The following CEP85L variants were observed in gnomAD, a reference collection of about 807,000 sequenced individuals.
CEP85L encodes centrosomal protein 85L.
In CEP85L, 60 loss-of-function variants were observed where a neutral mutation model predicts 100.3. The ratio of observed to expected loss-of-function variants is 0.60; its 90% confidence interval spans 0.49 to 0.74. The LOEUF is 0.74. CEP85L is among the 30% of genes least tolerant of loss of function. The pLI, the probability that CEP85L is intolerant of heterozygous loss-of-function variation, is 0.00. For synonymous variants in CEP85L, 319 were observed against 322.7 expected (o/e 0.99, Z 0.12); for missense variants, 973 against 936.2 (o/e 1.04, Z -0.51).
chr6:118,559,212 G>A, intron 3 of CEP85L: 1 of 785,164 alleles, frequency 1.3e-6, no homozygotes, highest in Non-Finnish European at 2.3e-6. Context: ...AAAAGGTCAA[G>A]ATTAAGACTA....
Position 118,480,426 on chromosome 6 carries a change from A to G in CEP85L, c.1833T>C (p.Asn611=). 6.2e-7 allele frequency: 1 copy of G among 1,610,742 alleles called. No individual in the cohort carries two copies. Among genetic ancestry groups the G allele is most frequent in the East Asian group, 2.2e-5 (1 of 44,726 alleles). The part of the protein sequence containing the change: ...DAKQLQNEND[N]LRQQNETASK... ...TAGCAGTCTCATTTTGTTGTCTGAG[A>G]TTATCATTTTCATTCTGAAGCTGTT... The change falls in exon 9 of 13, where the codon AAT becomes AAC. Residue 611 remains asparagine, a synonymous_variant. Coordinates refer to ENST00000368491, the MANE Select transcript of CEP85L (RefSeq NM_001042475.3).
At chr6:118,551,336 A>G (rs944861239) in intron 3 of CEP85L, among the ~76,000 whole-genome samples, 1 of 151,810 alleles carries the variant, frequency 6.6e-6, no homozygotes, top group African/African-American at 2.4e-5. Flanking sequence ...CCGCACAAAA[A>G]AAAAGGTTGA....
chr6:118,691,383 A>C (rs1422681327), intron 1 of CEP85L, among the ~76,000 whole-genome samples: 1 of 152,046 alleles, frequency 6.6e-6, no homozygotes, highest in Non-Finnish European at 1.5e-5. Context: ...AAAATACAAA[A>C]TTAGCCAGAT....
At chr6:118,523,649 A>G (rs769815427) in intron 4 of CEP85L, among the ~76,000 whole-genome samples, 153 bp downstream of exon 4, 1 of 152,216 alleles carries the variant, frequency 6.6e-6, no homozygotes. Flanking sequence ...GTACTTCTTT[A>G]AAGGATTGGG....
intron 10 of CEP85L, among the ~76,000 whole-genome samples, chr6:118,476,345 T>C (rs1254891814): frequency 2.0e-5 from 3 of 152,128 alleles, no homozygotes; most frequent in African/African-American, 4.8e-5. Flanking sequence ...TTTCAAAATT[T>C]AGTATTAACT....
chr6:118,530,073 GTAAAAGA>G lies in CEP85L; in HGVS notation c.1021-6160_1021-6154del, dbSNP rs538612701. ...ATAAAGTTTTATAAAACTTTATAAG[GTAAAAGA>G]TAAAAGTTACCACGAAGATAAAATA... is the stretch of plus-strand genomic sequence containing the variant. On this transcript the variant is annotated intron_variant, in intron 3 of 12. Transcript: ENST00000368491. Among the ~76,000 whole-genome samples, 336 of 152,004 alleles carry G rather than the reference GTAAAAGA, an allele frequency of 2.2e-3. 2 individuals are homozygous for G. Among genetic ancestry groups the G allele is most frequent in the Non-Finnish European group, 3.2e-3 (216 of 67,978 alleles).
chr6:118,685,593 G>C (rs1776803776), intron 1 of CEP85L, among the ~76,000 whole-genome samples: 1 of 152,136 alleles, frequency 6.6e-6, no homozygotes, highest in Non-Finnish European at 1.5e-5. Context: ...GTGAGTAGAA[G>C]GAAATTTTGA....
chr6:118,589,770 A>G (rs1781076227), intron 2 of CEP85L: 2 of 192,444 alleles, frequency 1.0e-5, no homozygotes, highest in East Asian at 2.9e-4. Flanking sequence ...ACGACAGTGA[A>G]AAGTTGAGCG....
At chr6:118,675,558 A>G (rs1415269483) in intron 1 of CEP85L, among the ~76,000 whole-genome samples, 1 of 151,956 alleles carries the variant, frequency 6.6e-6, no homozygotes, top group East Asian at 1.9e-4. Flanking sequence ...ATTTAAGATT[A>G]GAAAAGATTC....
intron 6 of CEP85L, among the ~76,000 whole-genome samples, chr6:118,491,192 TCTATACACA>T (rs2114605170): frequency 2.7e-5 from 2 of 74,496 alleles, no homozygotes; most frequent in African/African-American, 1.0e-4. Context: ...CATACCAACA[TCTATACACA>T]CACACACACA....
chr6:118,640,848 G>A (rs370615924), intron 1 of CEP85L, among the ~76,000 whole-genome samples: 1 of 152,102 alleles, frequency 6.6e-6, no homozygotes, highest in African/African-American at 2.4e-5. Flanking sequence ...ATTTTTGAAA[G>A]TGCCAGACAT....
chr6:118,629,925 G>A (rs942632405), intron 2 of CEP85L, among the ~76,000 whole-genome samples: 4 of 152,078 alleles, frequency 2.6e-5, no homozygotes, highest in Admixed American at 2.6e-4. Flanking sequence ...AGACCCCTTC[G>A]TTCAAGTCAT....
intron 3 of CEP85L, among the ~76,000 whole-genome samples, chr6:118,543,195 C>T (rs1264944259): frequency 6.6e-6 from 1 of 151,926 alleles, no homozygotes; most frequent in Admixed American, 6.6e-5. Context: ...TTTGATGTTA[C>T]ACACACGTCA....
In CEP85L at chr6:118,605,392, C is replaced by T. The variant is rs142216373; in HGVS notation, c.232+27061G>A. Among the ~76,000 whole-genome samples the T allele has an allele frequency of 2.2e-3, 342 of 152,268 alleles. 1 individual carries two copies. Among genetic ancestry groups the T allele is most frequent in the Middle Eastern group, 6.8e-3 (2 of 294 alleles). On this transcript the variant is annotated intron_variant, in intron 2 of 12. Coordinates refer to ENST00000368491, the MANE Select transcript of CEP85L (RefSeq NM_001042475.3). ...GTGGCCAAGAGCATACTTCTCCGAT[C>T]CAAGTGTGCAAAGAGTCAAGTGCCC...
intron 2 of CEP85L, among the ~76,000 whole-genome samples, chr6:118,581,819 T>TG (rs1411614795): frequency 6.6e-6 from 1 of 152,084 alleles, no homozygotes; most frequent in Non-Finnish European, 1.5e-5. Context: ...GAAAAAAAAG[T>TG]GACTCATATT....
intron 2 of CEP85L, among the ~76,000 whole-genome samples, chr6:118,604,511 C>T (rs1772044203): frequency 6.6e-6 from 1 of 152,190 alleles, no homozygotes; most frequent in Non-Finnish European, 1.5e-5. Context: ...ACCAAAAGTA[C>T]ATTTTATTTT....
In CEP85L at chr6:118,613,706, G is replaced by A. The variant is rs185677183; in HGVS notation, c.232+18747C>T. Among the ~76,000 whole-genome samples the A allele has an allele frequency of 2.1e-3, 290 of 140,850 alleles. 2 individuals are homozygous for A. The highest frequency in any genetic ancestry group is 3.0e-3 in the Non-Finnish European group (201 of 66,638). The allele number at this position is 140,850 out of a possible 152,430, so 92.4% of individuals were successfully genotyped here. On this transcript the variant is annotated intron_variant, in intron 2 of 12. Coordinates refer to ENST00000368491, the MANE Select transcript of CEP85L (RefSeq NM_001042475.3). ...CAGGAGTTGGAGGTTGTGGTGACCC[G>A]AGATCGCACCACTGCACTCCAGCCT...
At chr6:118,703,322 C>CTAT (rs1777486666) in intron 1 of CEP85L, among the ~76,000 whole-genome samples, 2 of 152,084 alleles carry the variant, frequency 1.3e-5, no homozygotes, top group African/African-American at 4.8e-5. Flanking sequence ...GATATACCAA[C>CTAT]CCTTTCATAA....
At chr6:118,572,295 G>C (rs936538894) in intron 2 of CEP85L, among the ~76,000 whole-genome samples, 2 of 134,952 alleles carry the variant, frequency 1.5e-5, no homozygotes, top group Non-Finnish European at 3.1e-5. Context: ...AAAAAAAAAA[G>C]GTGTATTCCT....
Sources: allele counts gnomAD v4.1 joint callset (sites outside exome capture counted in the v4.1 genomes callset), GRCh38; gene constraint gnomAD v4.1.1; transcripts MANE v1.5; gene names NCBI Gene and HGNC (gene_info 2026-07-23, HGNC 2026-07-21).